The following GIT2 variants were observed in gnomAD, a reference collection of about 807,000 sequenced individuals.
The protein encoded by GIT2 is GIT ArfGAP 2.
In GIT2, 32 loss-of-function variants were observed where a neutral mutation model predicts 100.3. The observed-to-expected ratio is 0.32, with a 90% CI of 0.24 to 0.43. GIT2 has a LOEUF of 0.43. Ranked by LOEUF, GIT2 falls within the 20% of genes least tolerant of loss-of-function variation. GIT2 has a pLI of 1.00. For synonymous variants in GIT2, 353 were observed against 364.1 expected, an observed-to-expected ratio of 0.97 and a Z score of 0.35; for missense variants, 737 against 975.1, an observed-to-expected ratio of 0.76 and a Z score of 3.25.
At chr12:109,936,260 T>TAA (rs547925577) in intron 18 of GIT2, among the ~76,000 whole-genome samples, 3,237 of 136,354 alleles carry the variant, frequency 0.024, 111 homozygotes, top group African/African-American at 0.082. Context: ...CTCATGGTCT[T>TAA]AAAAAAAAAA....
intron 9 of GIT2, among the ~76,000 whole-genome samples, chr12:109,963,291 C>T (rs1309521014): frequency 1.3e-5 from 2 of 152,194 alleles, no homozygotes; most frequent in African/African-American, 4.8e-5. Flanking sequence ...ACCCAGAGAG[C>T]CTGTTGCTAG....
At chr12:109,982,737 T>C (rs1255334034) in intron 6 of GIT2, 1 of 150,480 alleles carries the variant, frequency 6.6e-6, no homozygotes, top group Non-Finnish European at 1.5e-5. Flanking sequence ...GCCTCCCAGG[T>C]TTAAGTGATT....
At position 109,989,050 on chromosome 12, in the gene GIT2, G is replaced by A; in HGVS notation, c.318C>T (p.Phe106=). The change falls in exon 4 of 20, where the codon TTC becomes TTT. Residue 106 remains phenylalanine, a synonymous_variant. Coordinates refer to ENST00000355312, the MANE Select transcript of GIT2 (RefSeq NM_057169.5). ...CTAACATCTGATACTTGGCTCTGATGAATTCCGCTTTATTGGGACTGGTTC... is the reference window on the plus strand; with the variant it reads ...CTAACATCTGATACTTGGCTCTGATAAATTCCGCTTTATTGGGACTGGTTC... ...QDKVHPNKAE[F]IRAKYQMLAF... 1 of 1,610,026 alleles carries A rather than the reference G, an allele frequency of 6.2e-7. No homozygotes were observed. Among genetic ancestry groups the A allele is most frequent in the African/African-American group, 1.3e-5 (1 of 74,946 alleles).
rs1871700349 is a variant in GIT2, at chr12:109,931,912, G to GTGAT, written c.*1062_*1065dup. ...TGTCTAATTTTTAAGTACTCATGAG[G>GTGAT]TGATGGAGGAGAAACTAACTCAGAT... On this transcript the variant is annotated 3_prime_UTR_variant, in exon 20 of 20. Transcript: ENST00000355312. The GTGAT allele has an allele frequency of 1.3e-5, 2 of 152,246 alleles. No homozygotes were observed. Among genetic ancestry groups the GTGAT allele is most frequent in the Non-Finnish European group, 2.9e-5 (2 of 68,042 alleles). The allele number at this position is 152,246 out of a possible 1,614,324, so 9.4% of individuals were successfully genotyped here.
In GIT2 at chr12:109,962,263, G is replaced by T. The variant is rs932838572; in HGVS notation, c.817-578C>A. On this transcript the variant is annotated intron_variant, in intron 9 of 19. Transcript: ENST00000355312. The surrounding 1 kb of genome is among the most constrained non-coding windows in gnomAD (Gnocchi z 4.3). Reference sequence around the variant, plus strand: ...AACTACTCAGGAGGCTGAGGCAGGAGGATCACTTCAGCCCAGGATATCAAG... The same window carrying T: ...AACTACTCAGGAGGCTGAGGCAGGATGATCACTTCAGCCCAGGATATCAAG... Among the ~76,000 whole-genome samples, 6 of 152,190 alleles carry T rather than the reference G, an allele frequency of 3.9e-5. No homozygotes were observed. Among genetic ancestry groups the T allele is most frequent in the African/African-American group, 1.2e-4 (5 of 41,452 alleles).
intron 9 of GIT2, among the ~76,000 whole-genome samples, chr12:109,963,795 C>T (rs1017006936): frequency 1.3e-5 from 2 of 152,120 alleles, no homozygotes; most frequent in African/African-American, 4.8e-5. Flanking sequence ...AGAAGGAGAC[C>T]ACAGGGTGAG....
chr12:109,991,055 A>G (rs1017176757), intron 2 of GIT2, among the ~76,000 whole-genome samples: 2 of 152,222 alleles, frequency 1.3e-5, no homozygotes, highest in African/African-American at 4.8e-5. Flanking sequence ...CACGCCTGCA[A>G]TCCCAGCACT....
chr12:109,948,049 CCAA>C lies in GIT2; in HGVS notation c.1393-548_1393-546del. On this transcript the variant is annotated intron_variant, in intron 14 of 19. Coordinates refer to ENST00000355312, the MANE Select transcript of GIT2 (RefSeq NM_057169.5). This position sits in a 1 kb window ranked among gnomAD's most constrained non-coding sequence, Gnocchi z 4.3. ...AGATCGCCTATTGCTTTCCAAAAAGCCAACAAGAAAAATTATGATCAACAAGTT... is the reference window on the plus strand; with the variant it reads ...AGATCGCCTATTGCTTTCCAAAAAGCCAAGAAAAATTATGATCAACAAGTT... 1 of 828,902 alleles carries C rather than the reference CCAA, an allele frequency of 1.2e-6. No homozygotes were observed. The highest frequency in any genetic ancestry group is 1.5e-6 in the Non-Finnish European group (1 of 687,694). 51.3% of individuals were successfully genotyped at this position (828,902 alleles called of 1,614,324 possible).
Position 109,955,024 on chromosome 12 carries a change from G to T in GIT2, c.1100-1790C>A, listed in dbSNP as rs185524356. The stretch of plus-strand genomic sequence containing the variant: ...AATTTAGAAACTAATGAACAAGTAA[G>T]ATAATCACTTATAGCCATTGTTATT... On this transcript the variant is annotated intron_variant, in intron 12 of 19. Coordinates refer to ENST00000355312, the MANE Select transcript of GIT2 (RefSeq NM_057169.5). 1.1e-4 allele frequency among the ~76,000 whole-genome samples: 16 copies of T among 152,202 alleles called. No homozygotes were observed. The South Asian group carries it at 1.2e-3, about 12-fold the overall frequency.
In GIT2 at chr12:109,934,017, C is replaced by G; in HGVS notation, c.2067+5G>C. 1 of 1,497,410 alleles carries G rather than the reference C, an allele frequency of 6.7e-7. No homozygotes were observed. The highest frequency in any genetic ancestry group is 9.3e-7 in the Non-Finnish European group (1 of 1,073,604). 92.8% of individuals were successfully genotyped at this position (1,497,410 alleles called of 1,614,324 possible). A position where few individuals can be genotyped will look rare whatever the true frequency, so the allele number is the denominator to read the frequency against. On this transcript the variant is annotated splice_donor_5th_base_variant and intron_variant, in intron 19 of 19. Coordinates refer to ENST00000355312, the MANE Select transcript of GIT2 (RefSeq NM_057169.5). The surrounding 1 kb of genome is among the most constrained non-coding windows in gnomAD (Gnocchi z 4.5). ...TTTAAACCAAGTGAGTAGGAAGTGA[C>G]TTACTTTGGGGAATAATGCTGCCAT...
At chr12:109,991,879 C>A in intron 1 of GIT2, 119 bp from the exon 2 acceptor site, 2 of 781,710 alleles carry the variant, frequency 2.6e-6, no homozygotes, top group Non-Finnish European at 4.2e-6. Context: ...TTTCAGTATG[C>A]TCATCAATGC....
chr12:109,953,382 G>A, intron 12 of GIT2, 148 bp from the exon 13 acceptor site: 1 of 725,360 alleles, frequency 1.4e-6, no homozygotes, highest in Non-Finnish European at 2.3e-6. Flanking sequence ...CATTCTAGGA[G>A]GCCAAGGAGG....
At chr12:109,949,462 A>T (rs1877247906) in intron 14 of GIT2, among the ~76,000 whole-genome samples, 1 of 152,222 alleles carries the variant, frequency 6.6e-6, no homozygotes, top group Admixed American at 6.5e-5. Flanking sequence ...TCTTGGTTTC[A>T]ATTTTTAAAA....
At chr12:109,949,634 T>C (rs562871398) in intron 14 of GIT2, among the ~76,000 whole-genome samples, 21 of 152,342 alleles carry the variant, frequency 1.4e-4, no homozygotes, top group African/African-American at 5.0e-4. Context: ...CTTCTAAGAA[T>C]TGATGAGATA....
chr12:109,956,179 C>G (rs1267245258), intron 12 of GIT2, among the ~76,000 whole-genome samples: 1 of 152,152 alleles, frequency 6.6e-6, no homozygotes, highest in Non-Finnish European at 1.5e-5. Flanking sequence ...ATCAGCCCAC[C>G]TCAGCCTCCC....
chr12:109,964,822 G>A (rs1881931028), intron 9 of GIT2, among the ~76,000 whole-genome samples: 1 of 152,172 alleles, frequency 6.6e-6, no homozygotes, highest in African/African-American at 2.4e-5. Context: ...TTAAAGTGGA[G>A]AGAAGTGCCC....
chr12:109,943,827 G>A (rs766716492), intron 16 of GIT2, among the ~76,000 whole-genome samples: 1 of 151,914 alleles, frequency 6.6e-6, no homozygotes, highest in Non-Finnish European at 1.5e-5. Flanking sequence ...AAGCACCTGG[G>A]ACTACAGGTG....
At chr12:109,944,540 C>G (rs1245992702) in intron 16 of GIT2, among the ~76,000 whole-genome samples, 2 of 152,208 alleles carry the variant, frequency 1.3e-5, no homozygotes, top group African/African-American at 4.8e-5. Context: ...GTCCTTAGGA[C>G]CCTTTCATTG....
chr12:109,933,793 G>A lies in GIT2; in HGVS notation c.2067+229C>T, dbSNP rs1299068685. The A allele has an allele frequency of 1.5e-5, 7 of 471,198 alleles. No individual in the cohort carries two copies. Among genetic ancestry groups the A allele is most frequent in the Non-Finnish European group, 2.7e-5 (7 of 256,948 alleles). The allele number at this position is 471,198 out of a possible 1,614,324, so 29.2% of individuals were successfully genotyped here. On this transcript the variant is annotated intron_variant, in intron 19 of 19. Coordinates refer to ENST00000355312, the MANE Select transcript of GIT2 (RefSeq NM_057169.5). This position sits in a 1 kb window ranked among gnomAD's most constrained non-coding sequence, Gnocchi z 4.5. ...ATTTTGTATTTTTAGTAGAGACAGG[G>A]TCTCTCCATGTTGGTCAGGCTGGCC... is the stretch of plus-strand genomic sequence containing the variant.
Sources: allele counts gnomAD v4.1 joint callset (sites outside exome capture counted in the v4.1 genomes callset), GRCh38; gene constraint gnomAD v4.1.1; non-coding constraint Gnocchi (gnomAD v3.1); transcripts MANE v1.5; gene names NCBI Gene and HGNC (gene_info 2026-07-23, HGNC 2026-07-21).